GCNT2: variants seen among roughly 807,000 people sequenced by gnomAD.
GCNT2 encodes N-acetyllactosaminide beta-1,6-N-acetylglucosaminyl-transferase.
GCNT2 carries 34 observed loss-of-function variants against 34.2 expected under a neutral mutation model. The observed-to-expected ratio is 1.00, with a 90% CI of 0.76 to 1.32. GCNT2 has a LOEUF of 1.32. Among genes scored for constraint, GCNT2 ranks in the 40% most tolerant of loss-of-function variants. The pLI is 0.00. For missense variants in GCNT2, 584 were observed against 489.4 expected (o/e 1.19, Z -1.82); for synonymous variants, 212 against 188.0 (o/e 1.13, Z -1.04).
At chr6:10,616,040 C>T (rs1765743732) in intron 3 of GCNT2, among the ~76,000 whole-genome samples, 1 of 152,236 alleles carries the variant, frequency 6.6e-6, no homozygotes, top group South Asian at 2.1e-4. Flanking sequence ...GCTGCGGACT[C>T]TCGCAGTGAG....
chr6:10,575,913 C>A (rs920624727), intron 3 of GCNT2, among the ~76,000 whole-genome samples: 1 of 150,848 alleles, frequency 6.6e-6, no homozygotes, highest in Non-Finnish European at 1.5e-5. Flanking sequence ...CTTTACCTAC[C>A]CAAATCTTAT....
chr6:10,551,743 ATT>A (rs995321865), intron 3 of GCNT2, among the ~76,000 whole-genome samples: 1 of 143,938 alleles, frequency 6.9e-6, no homozygotes, highest in African/African-American at 2.6e-5. Flanking sequence ...GCGCCTGGCT[ATT>A]TTTTTTTATT....
chr6:10,569,867 TTCTTTCTTTC>T (rs1426299878), intron 3 of GCNT2, among the ~76,000 whole-genome samples: 1 of 150,928 alleles, frequency 6.6e-6, no homozygotes, highest in African/African-American at 2.5e-5. Flanking sequence ...TTCTCTTTCT[TTCTTTCTTTC>T]TCTTTCTTTT....
At chr6:10,599,967 A>T (rs1318105382) in intron 3 of GCNT2, among the ~76,000 whole-genome samples, 1 of 152,220 alleles carries the variant, frequency 6.6e-6, no homozygotes, top group African/African-American at 2.4e-5. Context: ...TGGAATGTGT[A>T]ATCCTGTGCT....
chr6:10,623,838 A>G (rs4449626), intron 4 of GCNT2, among the ~76,000 whole-genome samples: 13,779 of 152,190 alleles, frequency 0.091, 985 homozygotes, highest in African/African-American at 0.2. Context: ...CAGAGGTTCA[A>G]CATTTCAAGC....
chr6:10,566,240 C>T (rs1441966883), intron 3 of GCNT2, among the ~76,000 whole-genome samples: 2 of 150,868 alleles, frequency 1.3e-5, no homozygotes, highest in Admixed American at 6.6e-5. Context: ...TTTCCTGATT[C>T]TCACTCATCT....
At chr6:10,555,877 T>C (rs1204324693) in intron 3 of GCNT2, 1 of 994,446 alleles carries the variant, frequency 1.0e-6, no homozygotes, top group Non-Finnish European at 1.2e-6. Flanking sequence ...TGGGTTGCGC[T>C]GGAAGAGCTG....
At chr6:10,533,021 T>A (rs1303006849) in intron 3 of GCNT2, among the ~76,000 whole-genome samples, 1 of 150,286 alleles carries the variant, frequency 6.7e-6, no homozygotes, top group Non-Finnish European at 1.5e-5. Context: ...AAGTAACTAG[T>A]CCAGGCCAGG....
intron 3 of GCNT2, among the ~76,000 whole-genome samples, chr6:10,620,753 C>T (rs1228509393): frequency 2.0e-5 from 3 of 152,136 alleles, no homozygotes; most frequent in Admixed American, 2.0e-4. Context: ...CCTTCAATCT[C>T]TATGACCTAT....
chr6:10,530,583 A>C (rs1444657792), intron 3 of GCNT2, among the ~76,000 whole-genome samples: 1 of 151,882 alleles, frequency 6.6e-6, no homozygotes, highest in Non-Finnish European at 1.5e-5. Context: ...CAAAAATCTA[A>C]AGCATGGCCA....
chr6:10,605,467 C>A (rs1331458621), intron 3 of GCNT2, among the ~76,000 whole-genome samples: 1 of 151,792 alleles, frequency 6.6e-6, no homozygotes, highest in East Asian at 1.9e-4. Context: ...GCCTTGGCCT[C>A]CCAAAGTGCT....
intron 3 of GCNT2, among the ~76,000 whole-genome samples, chr6:10,576,357 G>T (rs1763810863): frequency 6.6e-6 from 1 of 152,154 alleles, no homozygotes; most frequent in South Asian, 2.1e-4. Context: ...ATGGCCCACA[G>T]CTTTAAATAC....
intron 3 of GCNT2, among the ~76,000 whole-genome samples, chr6:10,562,194 G>T (rs1050539829): frequency 6.6e-6 from 1 of 152,086 alleles, no homozygotes; most frequent in Non-Finnish European, 1.5e-5. Context: ...GGTCTGAGGG[G>T]CAGTCCTGGG....
At chr6:10,586,023 A>G (rs1188601450) in intron 3 of GCNT2, 4 of 1,613,846 alleles carry the variant, frequency 2.5e-6, no homozygotes, top group Non-Finnish European at 3.4e-6. Context: ...TTTTGCTTTC[A>G]CTCTGCTCAG....
intron 3 of GCNT2, among the ~76,000 whole-genome samples, chr6:10,565,784 G>A (rs895646910): frequency 2.6e-5 from 4 of 151,718 alleles, no homozygotes; most frequent in African/African-American, 4.8e-5. Flanking sequence ...TTCTGGCGCC[G>A]TCGTCTACCC....
In GCNT2 at chr6:10,586,871, T is replaced by TC. The variant is rs1764376799; in HGVS notation, c.926-34480_926-34479insC. 3 of 1,614,010 alleles carry TC rather than the reference T, an allele frequency of 1.9e-6. No individual in the cohort carries two copies. The South Asian group carries it at 3.3e-5, about 18-fold the overall frequency. On this transcript the variant is annotated intron_variant, in intron 3 of 4. Transcript: ENST00000495262. ...TACTACAATGGTCAAAAGATACCTA[T>TC]AGTCCTGATGAGCATTTCTGGGTGA...
intron 3 of GCNT2, chr6:10,556,037 A>AG (rs1441964939): frequency 1.8e-5 from 19 of 1,028,690 alleles, no homozygotes; most frequent in Non-Finnish European, 2.3e-5. Context: ...GGCAGTAACC[A>AG]GGGGGCGGGG....
intron 3 of GCNT2, among the ~76,000 whole-genome samples, chr6:10,576,929 T>G (rs1763844624): frequency 6.6e-6 from 1 of 151,636 alleles, no homozygotes; most frequent in South Asian, 2.1e-4. Flanking sequence ...ACAATAATAA[T>G]AATAATAATA....
intron 3 of GCNT2, chr6:10,556,693 A>T: frequency 6.2e-7 from 1 of 1,614,240 alleles, no homozygotes; most frequent in South Asian, 1.1e-5. Flanking sequence ...CTAAGGAAGA[A>T]GCTGACTTTC....
Sources: allele counts gnomAD v4.1 joint callset (sites outside exome capture counted in the v4.1 genomes callset), GRCh38; gene constraint gnomAD v4.1.1; transcripts MANE v1.5; gene names NCBI Gene and HGNC (gene_info 2026-07-23, HGNC 2026-07-21).